DYNC1I1: variants seen among roughly 807,000 people sequenced by gnomAD.
DYNC1I1 encodes the protein cytoplasmic dynein 1 intermediate chain 1.
Under a neutral mutation model 86.6 loss-of-function variants are expected in DYNC1I1, and 43 were observed. That is an observed-to-expected ratio of 0.50 (90% CI 0.39 to 0.64). The LOEUF (loss-of-function observed/expected upper bound fraction) is 0.64. DYNC1I1 is among the 30% of genes least tolerant of loss of function. The probability of loss-of-function intolerance (pLI) is 0.00; values close to 1 mark genes in which losing one functional copy is unlikely to be tolerated. For synonymous variants in DYNC1I1, 262 were observed against 283.7 expected, an observed-to-expected ratio of 0.92 and a Z score of 0.77; for missense variants, 604 against 788.8, an observed-to-expected ratio of 0.77 and a Z score of 2.81.
At chr7:95,989,208 A>G (rs151265877) in intron 9 of DYNC1I1, among the ~76,000 whole-genome samples, 61 of 152,314 alleles carry the variant, frequency 4.0e-4, no homozygotes, top group African/African-American at 1.4e-3. Flanking sequence ...GGTAAGTCCC[A>G]ATTAATCCTA....
chr7:95,953,233 TAG>T (rs1158724687), intron 6 of DYNC1I1, among the ~76,000 whole-genome samples: 2 of 151,624 alleles, frequency 1.3e-5, no homozygotes, highest in East Asian at 3.9e-4. Context: ...TAAGCAACTG[TAG>T]CATCTTTTGG....
At chr7:96,073,562 C>G (rs1390389511) in intron 14 of DYNC1I1, among the ~76,000 whole-genome samples, 5 of 152,154 alleles carry the variant, frequency 3.3e-5, no homozygotes, top group Admixed American at 2.0e-4. Flanking sequence ...TAAGGATTTG[C>G]AATTGTGTTA....
At chr7:95,993,805 A>C (rs1298026163) in intron 9 of DYNC1I1, among the ~76,000 whole-genome samples, 1 of 152,216 alleles carries the variant, frequency 6.6e-6, no homozygotes, top group Non-Finnish European at 1.5e-5. Context: ...CAAATTCATA[A>C]AGGCAATCTT....
intron 6 of DYNC1I1, among the ~76,000 whole-genome samples, chr7:95,898,199 C>T (rs372867240): frequency 1.1e-4 from 16 of 152,298 alleles, no homozygotes; most frequent in African/African-American, 3.6e-4. Flanking sequence ...CTAATGGAAA[C>T]TCCACATGCC....
intron 6 of DYNC1I1, among the ~76,000 whole-genome samples, chr7:95,871,933 C>T (rs1203467095): frequency 1.3e-5 from 2 of 152,216 alleles, no homozygotes; most frequent in African/African-American, 4.8e-5. Flanking sequence ...AGCTAGCTAC[C>T]ATAGTTCTTG....
In DYNC1I1 at chr7:95,772,639, G is replaced by C. The variant is rs974185613; in HGVS notation, c.-144G>C. 1.3e-5 allele frequency: 2 copies of C among 152,170 alleles called. No homozygotes were observed. The highest frequency in any genetic ancestry group is 4.8e-5 in the African/African-American group (2 of 41,442). 9.4% of individuals were successfully genotyped at this position (152,170 alleles called of 1,614,324 possible). ...CCGGAGGAGCGCGAGCCGAGCGGCC[G>C]GCGCAGCGTGAGACAGCACATCCTG... On this transcript the variant is annotated 5_prime_UTR_variant, in exon 1 of 17. Coordinates refer to ENST00000447467, the MANE Select transcript of DYNC1I1 (RefSeq NM_001135556.2).
intron 6 of DYNC1I1, among the ~76,000 whole-genome samples, chr7:95,946,305 A>G (rs889604936): frequency 2.0e-5 from 3 of 152,126 alleles, no homozygotes; most frequent in African/African-American, 7.2e-5. Context: ...GGAATTTAAA[A>G]TAAAATTAAA....
chr7:95,970,574 A>G (rs1793139980), intron 6 of DYNC1I1, among the ~76,000 whole-genome samples: 2 of 151,964 alleles, frequency 1.3e-5, no homozygotes, highest in Non-Finnish European at 2.9e-5. Flanking sequence ...ATATTTATGG[A>G]CTGAATGTGA....
chr7:95,909,399 A>G (rs1479343463), intron 6 of DYNC1I1, among the ~76,000 whole-genome samples: 1 of 152,086 alleles, frequency 6.6e-6, no homozygotes, highest in Non-Finnish European at 1.5e-5. Flanking sequence ...TCCATTTTGT[A>G]TCTATTCATT....
At chr7:95,799,130 C>G (rs1396382168) in intron 1 of DYNC1I1, among the ~76,000 whole-genome samples, 6 of 152,060 alleles carry the variant, frequency 3.9e-5, no homozygotes, top group Non-Finnish European at 8.8e-5. Flanking sequence ...ATGCTTATAA[C>G]CCCAGCGAAG....
intron 10 of DYNC1I1, among the ~76,000 whole-genome samples, chr7:96,025,856 G>C (rs1300684946): frequency 1.3e-5 from 2 of 151,322 alleles, no homozygotes; most frequent in Non-Finnish European, 2.9e-5. Context: ...GGGGATATTT[G>C]CTTGGATTTA....
chr7:96,017,423 A>G (rs1380452472), intron 10 of DYNC1I1, among the ~76,000 whole-genome samples: 1 of 152,166 alleles, frequency 6.6e-6, no homozygotes, highest in Admixed American at 6.5e-5. Context: ...ACTTTAGTGA[A>G]CTGTTGGCAG....
At chr7:95,777,891 A>G (rs1793886837) in intron 1 of DYNC1I1, among the ~76,000 whole-genome samples, 1 of 152,120 alleles carries the variant, frequency 6.6e-6, no homozygotes, top group Admixed American at 6.5e-5. Context: ...AAAATTCTGC[A>G]GCTCCATCAC....
chr7:95,864,254 T>G (rs1158959913), intron 5 of DYNC1I1, among the ~76,000 whole-genome samples: 1 of 152,170 alleles, frequency 6.6e-6, no homozygotes, highest in Non-Finnish European at 1.5e-5. Context: ...ATTCATACAA[T>G]GGAGTAGTTT....
chr7:95,994,864 C>T (rs1413497983), intron 9 of DYNC1I1, among the ~76,000 whole-genome samples: 2 of 152,092 alleles, frequency 1.3e-5, no homozygotes, highest in Admixed American at 1.3e-4. Context: ...TTAGCAGGCT[C>T]TGACCTTAAA....
At chr7:95,997,727 T>G (rs1274777385) in intron 10 of DYNC1I1, among the ~76,000 whole-genome samples, 3 of 151,760 alleles carry the variant, frequency 2.0e-5, no homozygotes, top group African/African-American at 7.3e-5. Context: ...TACTCGTGAT[T>G]TTAAAAAAAA....
At chr7:96,048,059 G>A (rs1789272382) in intron 14 of DYNC1I1, among the ~76,000 whole-genome samples, 1 of 152,128 alleles carries the variant, frequency 6.6e-6, no homozygotes, top group Non-Finnish European at 1.5e-5. Flanking sequence ...CTTCGGTGGA[G>A]TCAGAGGCAG....
chr7:96,073,024 T>C (rs1161882834), intron 14 of DYNC1I1, among the ~76,000 whole-genome samples: 1 of 152,170 alleles, frequency 6.6e-6, no homozygotes, highest in Non-Finnish European at 1.5e-5. Flanking sequence ...TATGTTATGC[T>C]TGTGCTTTGC....
chr7:96,095,313 C>G (rs1790968914), intron 16 of DYNC1I1, among the ~76,000 whole-genome samples: 1 of 152,066 alleles, frequency 6.6e-6, no homozygotes. Flanking sequence ...AACAGTCTTG[C>G]CATGACTACT....
Sources: allele counts gnomAD v4.1 joint callset (sites outside exome capture counted in the v4.1 genomes callset), GRCh38; gene constraint gnomAD v4.1.1; transcripts MANE v1.5; gene names NCBI Gene and HGNC (gene_info 2026-07-23, HGNC 2026-07-21).